SDK1: variants seen among roughly 807,000 people sequenced by gnomAD.
SDK1 encodes protein sidekick-1.
Under a neutral mutation model 245.5 loss-of-function variants are expected in SDK1, and 157 were observed. The observed-to-expected ratio is 0.64, with a 90% CI of 0.56 to 0.73. The LOEUF is 0.73. Ranked by LOEUF, SDK1 falls within the 30% of genes least tolerant of loss-of-function variation. The pLI, the probability that SDK1 is intolerant of heterozygous loss-of-function variation, is 0.00. For synonymous variants in SDK1, 1,647 were observed against 1,278.5 expected (o/e 1.29, Z -6.15); for missense variants, 3,583 against 3,002.3 (o/e 1.19, Z -4.52).
At chr7:3,883,991 C>A (rs1781272139) in intron 5 of SDK1, among the ~76,000 whole-genome samples, 1 of 152,128 alleles carries the variant, frequency 6.6e-6, no homozygotes, top group African/African-American at 2.4e-5. Flanking sequence ...AAAGTCCAAC[C>A]CCCTTAGGAA....
At chr7:3,920,270 A>C (rs1159882356) in intron 5 of SDK1, among the ~76,000 whole-genome samples, 1 of 152,154 alleles carries the variant, frequency 6.6e-6, no homozygotes, top group East Asian at 1.9e-4. Context: ...TGTTTTAGGA[A>C]GATGGCACAG....
intron 4 of SDK1, among the ~76,000 whole-genome samples, chr7:3,690,985 G>C (rs1318523200): frequency 6.6e-6 from 1 of 152,138 alleles, no homozygotes; most frequent in Admixed American, 6.5e-5. Flanking sequence ...ATTACTCAAA[G>C]ACAGTGTGTT....
chr7:4,105,984 C>T (rs971015302), intron 22 of SDK1, among the ~76,000 whole-genome samples: 2 of 152,092 alleles, frequency 1.3e-5, no homozygotes, highest in Non-Finnish European at 2.9e-5. Context: ...TCATTTGGCA[C>T]CTGTTCCAAT....
chr7:3,778,402 C>G (rs1183024563), intron 4 of SDK1, among the ~76,000 whole-genome samples: 1 of 152,202 alleles, frequency 6.6e-6, no homozygotes, highest in Non-Finnish European at 1.5e-5. Flanking sequence ...CAAAAAGCCT[C>G]CTTGAGAAAC....
intron 4 of SDK1, among the ~76,000 whole-genome samples, chr7:3,675,584 TTTG>T (rs1783867403): frequency 6.6e-6 from 1 of 152,002 alleles, no homozygotes; most frequent in African/African-American, 2.4e-5. Flanking sequence ...TGTTTGTTTG[TTTG>T]TAAAGAGATG....
chr7:3,600,995 C>A (rs1781236975), intron 1 of SDK1, among the ~76,000 whole-genome samples: 1 of 151,792 alleles, frequency 6.6e-6, no homozygotes, highest in Non-Finnish European at 1.5e-5. Context: ...AATTTTTTTC[C>A]TTATCCCATT....
At chr7:3,770,732 C>G (rs772773552) in intron 4 of SDK1, among the ~76,000 whole-genome samples, 1 of 152,136 alleles carries the variant, frequency 6.6e-6, no homozygotes, top group Admixed American at 6.5e-5. Context: ...AGTGGGCTGC[C>G]AGTTGGTTGA....
chr7:3,302,078 C>A (rs1779283368), intron 1 of SDK1, among the ~76,000 whole-genome samples, 194 bp downstream of exon 1: 1 of 152,100 alleles, frequency 6.6e-6, no homozygotes, highest in Non-Finnish European at 1.5e-5. Context: ...CCCGTAGAGC[C>A]TGCACCCCGT....
chr7:4,193,060 A>G (rs955380945), intron 35 of SDK1, among the ~76,000 whole-genome samples: 2 of 139,862 alleles, frequency 1.4e-5, no homozygotes, highest in African/African-American at 5.3e-5. Flanking sequence ...TATATAATAT[A>G]TATTATAATA....
chr7:4,217,495 A>AGGC, intron 38 of SDK1, among the ~76,000 whole-genome samples: 1 of 103,594 alleles, frequency 9.7e-6, no homozygotes, highest in Non-Finnish European at 2.0e-5. Context: ...CCGGAGCACC[A>AGGC]CACCACCCGG....
At chr7:3,868,233 A>C (rs942302223) in intron 5 of SDK1, among the ~76,000 whole-genome samples, 1 of 152,206 alleles carries the variant, frequency 6.6e-6, no homozygotes, top group African/African-American at 2.4e-5. Flanking sequence ...ATTGGTAAAA[A>C]ATAAACCTGT....
chr7:4,251,292 C>T (rs892193470), intron 44 of SDK1, among the ~76,000 whole-genome samples: 3 of 152,218 alleles, frequency 2.0e-5, no homozygotes, highest in African/African-American at 7.2e-5. Flanking sequence ...ACAACATCCT[C>T]ATGACTAAGA....
At chr7:3,918,037 G>C (rs1230425177) in intron 5 of SDK1, among the ~76,000 whole-genome samples, 1 of 152,174 alleles carries the variant, frequency 6.6e-6, no homozygotes, top group East Asian at 1.9e-4. Context: ...TCACAGTTTT[G>C]TTGGAGTCCC....
chr7:3,798,690 C>T (rs1779029204), intron 4 of SDK1, among the ~76,000 whole-genome samples: 1 of 152,156 alleles, frequency 6.6e-6, no homozygotes, highest in Non-Finnish European at 1.5e-5. Flanking sequence ...CGGTGTCAGC[C>T]AGTATTGTTC....
chr7:3,983,879 C>T (rs904641535), intron 13 of SDK1, among the ~76,000 whole-genome samples: 27 of 152,250 alleles, frequency 1.8e-4, no homozygotes, highest in Admixed American at 1.4e-3. Flanking sequence ...GGAGTGACTT[C>T]GGGGGACAGT....
intron 22 of SDK1, among the ~76,000 whole-genome samples, chr7:4,102,144 C>T (rs1782593403): frequency 6.6e-6 from 1 of 152,164 alleles, no homozygotes; most frequent in Non-Finnish European, 1.5e-5. Flanking sequence ...AGCGTCGAGT[C>T]CCCTGCCGGC....
At chr7:3,485,202 G>C (rs1459535602) in intron 1 of SDK1, among the ~76,000 whole-genome samples, 8 of 151,980 alleles carry the variant, frequency 5.3e-5, no homozygotes. Context: ...ATCATATCTG[G>C]GGTGAGATGA....
chr7:3,779,221 G>A (rs1024010065), intron 4 of SDK1, among the ~76,000 whole-genome samples: 1 of 152,140 alleles, frequency 6.6e-6, no homozygotes, highest in Non-Finnish European at 1.5e-5. Flanking sequence ...TGAATACAGA[G>A]CTGGAGTTGG....
At chr7:3,883,702 C>G (rs1479506223) in intron 5 of SDK1, among the ~76,000 whole-genome samples, 1 of 150,154 alleles carries the variant, frequency 6.7e-6, no homozygotes, top group Non-Finnish European at 1.5e-5. Flanking sequence ...CGCTCCCTCC[C>G]TCCCTCCCTC....
Sources: gnomAD v4.1 joint callset for allele counts (sites outside exome capture counted in the v4.1 genomes callset) on GRCh38, gnomAD v4.1.1 for gene constraint, MANE v1.5 for transcripts, NCBI Gene and HGNC (gene_info 2026-07-23, HGNC 2026-07-21) for gene names.